Variants in FBXO34 observed in about 807,000 individuals in gnomAD.
FBXO34 encodes F-box only protein 34.
FBXO34 carries 12 observed loss-of-function variants against 24.5 expected under a neutral mutation model. The ratio of observed to expected loss-of-function variants is 0.49; its 90% CI spans 0.31 to 0.79. The LOEUF (loss-of-function observed/expected upper bound fraction) is 0.79, where lower values mean the gene tolerates loss of function less well. FBXO34 is among the 30% of genes least tolerant of loss of function. The pLI is 0.04. For missense variants in FBXO34, 823 were observed against 857.7 expected, an observed-to-expected ratio of 0.96 and a Z score of 0.51; for synonymous variants, 320 against 311.9, an observed-to-expected ratio of 1.03 and a Z score of -0.27.
the FBXO34 span, among the ~76,000 whole-genome samples, chr14:55,382,848 T>G: frequency 6.6e-6 from 1 of 152,176 alleles, no homozygotes; most frequent in Admixed American, 6.5e-5. Context: ...GAACTTTTGT[T>G]TATATGGGTT....
chr14:55,431,910 A>G, the FBXO34 span, among the ~76,000 whole-genome samples: 20 of 152,324 alleles, frequency 1.3e-4, no homozygotes, highest in Admixed American at 3.3e-4. Context: ...GAACATTTCC[A>G]TCTAGAGAAA....
chr14:55,322,822 T>C (rs1322926445), intron 1 of FBXO34, among the ~76,000 whole-genome samples: 1 of 151,944 alleles, frequency 6.6e-6, no homozygotes, highest in Non-Finnish European at 1.5e-5. Flanking sequence ...TTCTACCATA[T>C]TTGACAGTGT....
At chr14:55,323,226 T>TATATATATATATATATATATA (rs1491370677) in intron 1 of FBXO34, among the ~76,000 whole-genome samples, 2 of 20,530 alleles carry the variant, frequency 9.7e-5, no homozygotes, top group African/African-American at 1.4e-3. Context: ...AAAATATATA[T>TATATATATATATATATATATA]TTTTTTTTTT....
chr14:55,350,601 T>G lies in FBXO34; in HGVS notation c.211T>G (p.Cys71Gly). 2 of 1,613,048 alleles carry G rather than the reference T, an allele frequency of 1.2e-6. No homozygotes were observed. The highest frequency in any genetic ancestry group is 1.1e-5 in the South Asian group (1 of 91,000). Residue 71 changes from cysteine (C) to glycine (G), a missense_variant, in exon 2 of 2, where the codon TGC becomes GGC. By Grantham distance (159) the Cys-to-Gly change is radical. Transcript: ENST00000313833. ...TGGGATCCTTTCTCCAAATGTTCTGTGCAGTATGAGTGGGAAGAGTCCTGT... is the reference window on the plus strand; with the variant it reads ...TGGGATCCTTTCTCCAAATGTTCTGGGCAGTATGAGTGGGAAGAGTCCTGT... ...PFGILSPNVL[C>G]SMSGKSPVES...
chr14:55,425,116 A>G, the FBXO34 span, among the ~76,000 whole-genome samples: 2 of 152,194 alleles, frequency 1.3e-5, no homozygotes, highest in Non-Finnish European at 2.9e-5. Flanking sequence ...CCCAAAAACA[A>G]CAGCAGATGT....
chr14:55,329,996 T>G (rs1392906432), intron 1 of FBXO34, among the ~76,000 whole-genome samples: 1 of 152,136 alleles, frequency 6.6e-6, no homozygotes, highest in East Asian at 1.9e-4. Flanking sequence ...TGAGGACCTG[T>G]GGAGGGCATT....
chr14:55,433,060 G>A, the FBXO34 span, among the ~76,000 whole-genome samples: 1 of 152,128 alleles, frequency 6.6e-6, no homozygotes, highest in Non-Finnish European at 1.5e-5. Context: ...TTAGAAACAA[G>A]TTGTAGCAGC....
At chr14:55,354,462 G>A (rs1158381464), downstream of FBXO34, 1 of 152,224 alleles carries the variant, frequency 6.6e-6, no homozygotes, top group Non-Finnish European at 1.5e-5. Flanking sequence ...GGCCCAGCCT[G>A]GACACTGGAT....
At chr14:55,438,336 A>G in the FBXO34 span, among the ~76,000 whole-genome samples, 1 of 152,182 alleles carries the variant, frequency 6.6e-6, no homozygotes, top group African/African-American at 2.4e-5. Context: ...AAATCAAGCT[A>G]TTCTCTTGAA....
At chr14:55,360,069 G>GA (rs1164151099) in intron 3 of FBXO34, among the ~76,000 whole-genome samples, 1 of 151,414 alleles carries the variant, frequency 6.6e-6, no homozygotes, top group Non-Finnish European at 1.5e-5. Flanking sequence ...TGAGAGTGAG[G>GA]AAAAAAATAA....
chr14:55,337,486 A>G (rs917296028), intron 1 of FBXO34, among the ~76,000 whole-genome samples: 3 of 152,196 alleles, frequency 2.0e-5, no homozygotes, highest in Admixed American at 2.0e-4. Flanking sequence ...ATCATATTCA[A>G]TTTTTGAAGT....
intron 1 of FBXO34, among the ~76,000 whole-genome samples, chr14:55,275,906 A>G (rs1881326144): frequency 6.6e-6 from 1 of 151,794 alleles, no homozygotes; most frequent in Admixed American, 6.6e-5. Flanking sequence ...TTAAGGAGGT[A>G]TTAGAAACTC....
chr14:55,339,004 G>A (rs528065767), intron 1 of FBXO34, among the ~76,000 whole-genome samples: 1 of 152,126 alleles, frequency 6.6e-6, no homozygotes, highest in East Asian at 1.9e-4. Flanking sequence ...TTGCACGCTT[G>A]TCTTGCTGGT....
the FBXO34 span, among the ~76,000 whole-genome samples, chr14:55,379,678 A>G: frequency 6.6e-6 from 1 of 152,200 alleles, no homozygotes; most frequent in Non-Finnish European, 1.5e-5. Context: ...GGTAGTAGGA[A>G]GATTGTAGTG....
Position 55,295,387 on chromosome 14 carries a change from A to ATTTTTTTT in FBXO34, c.-11+23866_-11+23873dup, listed in dbSNP as rs3051307. On this transcript the variant is annotated intron_variant, in intron 1 of 1. Transcript: ENST00000313833. ...CTCTATGAGGTAAATATTCTTTTCT[A>ATTTTTTTT]TTTTTTTTTTTTTTTTTTTTTTTGG... Among the ~76,000 whole-genome samples the ATTTTTTTT allele has an allele frequency of 1.8e-4, 16 of 91,392 alleles. 1 individual carries two copies. Among genetic ancestry groups the ATTTTTTTT allele is most frequent in the South Asian group, 6.9e-4 (2 of 2,886 alleles). 60.0% of individuals were successfully genotyped at this position (91,392 alleles called of 152,430 possible).
intron 1 of FBXO34, among the ~76,000 whole-genome samples, chr14:55,345,868 T>C (rs1251953904): frequency 4.0e-5 from 6 of 150,802 alleles, no homozygotes; most frequent in Non-Finnish European, 8.9e-5. Context: ...TAGCTGGCCA[T>C]TGTGGCATGT....
chr14:55,427,165 A>G, the FBXO34 span, among the ~76,000 whole-genome samples: 3 of 152,212 alleles, frequency 2.0e-5, no homozygotes, highest in African/African-American at 7.2e-5. Context: ...TTATGCCAAG[A>G]TTGAAGGAAG....
At chr14:55,388,790 T>C in the FBXO34 span, among the ~76,000 whole-genome samples, 1 of 152,168 alleles carries the variant, frequency 6.6e-6, no homozygotes, top group Non-Finnish European at 1.5e-5. Flanking sequence ...AGGAGACATG[T>C]ACATTCTAAA....
rs546447675 is a variant in FBXO34 at position 55,279,982 on chromosome 14, C to T, written c.-11+8445C>T. On this transcript the variant is annotated intron_variant, in intron 1 of 1. Coordinates refer to ENST00000313833, the MANE Select transcript of FBXO34 (RefSeq NM_017943.4). ...TTAGTGAAACTTTCATTTGCATTTG[C>T]CTTTTTGTGTTTAGTCTCTTTGATA... 4.6e-5 allele frequency among the ~76,000 whole-genome samples: 7 copies of T among 152,264 alleles called. No individual in the cohort carries two copies. The South Asian group carries it at 1.2e-3, about 27-fold the overall frequency.
Sources: allele counts gnomAD v4.1 joint callset (sites outside exome capture counted in the v4.1 genomes callset), GRCh38; gene constraint gnomAD v4.1.1; transcripts MANE v1.5; gene names NCBI Gene and HGNC (gene_info 2026-07-23, HGNC 2026-07-21).